Variants in PCDHA8 observed in about 807,000 individuals in gnomAD.
PCDHA8 encodes protocadherin alpha 8.
In PCDHA8, 53 loss-of-function variants were observed where a neutral mutation model predicts 61.8. The observed-to-expected ratio is 0.86, with a 90% CI of 0.69 to 1.08. The LOEUF (loss-of-function observed/expected upper bound fraction) is 1.08. Ranked by LOEUF, PCDHA8 falls within the 50% of genes least tolerant of loss-of-function variation. The pLI, the probability that PCDHA8 is intolerant of heterozygous loss-of-function variation, is 0.00. For synonymous variants in PCDHA8, 618 were observed against 556.6 expected (o/e 1.11, Z -1.55); for missense variants, 1,293 against 1,245.0 (o/e 1.04, Z -0.58).
At chr5:140,917,118 G>A (rs961408905) in intron 1 of PCDHA8, among the ~76,000 whole-genome samples, 2 of 152,106 alleles carry the variant, frequency 1.3e-5, no homozygotes, top group African/African-American at 2.4e-5. Context: ...CTCCAAGTGC[G>A]CAGACTCCCC....
intron 1 of PCDHA8, among the ~76,000 whole-genome samples, chr5:140,932,330 G>A (rs1339060592): frequency 6.6e-6 from 1 of 151,860 alleles, no homozygotes; most frequent in African/African-American, 2.4e-5. Context: ...TAGCAAAAAT[G>A]CATGAAACAC....
rs146722772 is a variant in PCDHA8, at chr5:140,848,558, C to T, written c.2394+4843C>T. ...CTCTACTGCTCTCGCTTCTGATCCTCGCAATGTGGGTGGTGGGGAGCGGCC... is the reference window on the plus strand; with the variant it reads ...CTCTACTGCTCTCGCTTCTGATCCTTGCAATGTGGGTGGTGGGGAGCGGCC... On this transcript the variant is annotated intron_variant, in intron 1 of 3. Coordinates refer to ENST00000531613, the MANE Select transcript of PCDHA8 (RefSeq NM_018911.3). 8.8e-6 allele frequency: 14 copies of T among 1,595,498 alleles called. 1 individual carries two copies. In the African/African-American group the frequency reaches 1.6e-4, roughly 18 times the overall value.
chr5:140,894,649 T>C (rs1270978331), intron 1 of PCDHA8, among the ~76,000 whole-genome samples: 3 of 152,024 alleles, frequency 2.0e-5, no homozygotes, highest in African/African-American at 7.2e-5. Context: ...ACTGAGTCTC[T>C]CTAATTCTGA....
chr5:140,982,288 T>G, intron 2 of PCDHA8, 187 bp from the exon 3 acceptor site: 1 of 1,088,080 alleles, frequency 9.2e-7, no homozygotes, highest in Admixed American at 2.9e-5. Context: ...AGGCAATAAG[T>G]AAGTCAGCAA....
At chr5:140,850,843 CA>C in intron 1 of PCDHA8, 1 of 1,597,346 alleles carries the variant, frequency 6.3e-7, no homozygotes, top group Non-Finnish European at 8.6e-7. Flanking sequence ...GCTGGATCTA[CA>C]GAGCGAACGG....
intron 1 of PCDHA8, chr5:140,927,197 A>G: frequency 6.2e-7 from 1 of 1,614,150 alleles, no homozygotes; most frequent in African/African-American, 1.3e-5. Flanking sequence ...CTGGTGCTCG[A>G]GGACCCGCTG....
intron 1 of PCDHA8, among the ~76,000 whole-genome samples, chr5:140,900,492 G>A (rs2068087412): frequency 6.6e-6 from 1 of 152,174 alleles, no homozygotes; most frequent in African/African-American, 2.4e-5. Flanking sequence ...GGTCAGACTG[G>A]TCTCAAATTC....
intron 1 of PCDHA8, among the ~76,000 whole-genome samples, chr5:140,955,276 T>A (rs1485560412): frequency 6.6e-6 from 1 of 152,120 alleles, no homozygotes; most frequent in Non-Finnish European, 1.5e-5. Flanking sequence ...TTTGGTTCCA[T>A]ATTGATATGG....
At chr5:140,927,694 G>A in intron 1 of PCDHA8, 1 of 1,614,202 alleles carries the variant, frequency 6.2e-7, no homozygotes, top group Non-Finnish European at 8.5e-7. Context: ...CAATGGGGAA[G>A]TCCAGTACTC....
intron 1 of PCDHA8, among the ~76,000 whole-genome samples, chr5:140,957,050 A>T (rs246010): frequency 0.56 from 85,650 of 151,948 alleles, 24,767 homozygotes; most frequent in African/African-American, 0.69. Context: ...TATAAAATAA[A>T]TTATAAATGT....
chr5:140,939,710 T>A (rs1317905162), intron 1 of PCDHA8, among the ~76,000 whole-genome samples: 8 of 152,230 alleles, frequency 5.3e-5, no homozygotes, highest in Non-Finnish European at 1.2e-4. Context: ...ATTTGTGAGA[T>A]ACATTTATAT....
chr5:140,851,389 T>C, intron 1 of PCDHA8: 1 of 974,212 alleles, frequency 1.0e-6, no homozygotes, highest in Non-Finnish European at 1.2e-6. Flanking sequence ...ACCTTCAGTA[T>C]CTATTATTTT....
At position 140,876,440 on chromosome 5, in the gene PCDHA8, T is replaced by C. The variant is rs369023443; in HGVS notation, c.2394+32725T>C. 23 of 1,613,876 alleles carry C rather than the reference T, an allele frequency of 1.4e-5. No individual in the cohort carries two copies. In the Admixed American group the frequency reaches 1.5e-4, roughly 11 times the overall value. On this transcript the variant is annotated intron_variant, in intron 1 of 3. Transcript: ENST00000531613. ...GCCTATGAAATTCAGGTTAACGCCA[T>C]TGATAAAGGGATTCCTTCCATGGCA...
At chr5:140,856,766 A>G in intron 1 of PCDHA8, 1 of 1,596,904 alleles carries the variant, frequency 6.3e-7, no homozygotes, top group South Asian at 1.1e-5. Flanking sequence ...TAACGCCCCT[A>G]TCTTTGACAG....
intron 1 of PCDHA8, chr5:140,856,360 C>G: frequency 6.3e-7 from 1 of 1,598,550 alleles, no homozygotes; most frequent in Non-Finnish European, 8.6e-7. Flanking sequence ...GCAGCATCCA[C>G]CTGGAGGTGA....
intron 1 of PCDHA8, among the ~76,000 whole-genome samples, chr5:140,892,088 C>T (rs782787174): frequency 1.3e-5 from 2 of 152,122 alleles, no homozygotes; most frequent in Non-Finnish European, 2.9e-5. Flanking sequence ...AGTTTCCTCT[C>T]GAAACTTTCA....
chr5:140,908,967 G>A (rs1039870615), intron 1 of PCDHA8, among the ~76,000 whole-genome samples: 10 of 152,076 alleles, frequency 6.6e-5, no homozygotes, highest in African/African-American at 2.4e-4. Context: ...ATCTTGATAG[G>A]CCCCACTCCA....
rs140949600 is a variant in PCDHA8, at chr5:140,848,602, C to G, written c.2394+4887C>G. Reference sequence around the variant, plus strand: ...AGCGGCCAGCTCCACTACTCCGTCCCGGAGGAAGCCGAACACGGCACCTTC... The same window carrying G: ...AGCGGCCAGCTCCACTACTCCGTCCGGGAGGAAGCCGAACACGGCACCTTC... On this transcript the variant is annotated intron_variant, in intron 1 of 3. Transcript: ENST00000531613. 8.2e-6 allele frequency: 13 copies of G among 1,593,476 alleles called. 1 individual carries two copies. In the South Asian group the frequency reaches 1.1e-4, roughly 14 times the overall value.
At position 140,856,908 on chromosome 5, in the gene PCDHA8, C is replaced by G. The variant is rs1319775845; in HGVS notation, c.2394+13193C>G. 7 of 1,595,460 alleles carry G rather than the reference C, an allele frequency of 4.4e-6. 1 individual carries two copies. The African/African-American group carries it at 9.4e-5, about 22-fold the overall frequency. On this transcript the variant is annotated intron_variant, in intron 1 of 3. Coordinates refer to ENST00000531613, the MANE Select transcript of PCDHA8 (RefSeq NM_018911.3). ...TCATTTAGCTCTTTGGTCCCACCCA[C>G]GATAAGAAGGAAATTTTGGATAAAC...
Sources: allele counts gnomAD v4.1 joint callset (sites outside exome capture counted in the v4.1 genomes callset), GRCh38; gene constraint gnomAD v4.1.1; transcripts MANE v1.5; gene names NCBI Gene and HGNC (gene_info 2026-07-23, HGNC 2026-07-21).